Variants in DLGAP2 observed in about 807,000 individuals in gnomAD.
DLGAP2 encodes the protein DLG associated protein 2, also known as disks large-associated protein 2.
Under a neutral mutation model 100.3 loss-of-function variants are expected in DLGAP2, and 26 were observed. The ratio of observed to expected loss-of-function variants is 0.26; its 90% CI spans 0.19 to 0.36. The LOEUF (loss-of-function observed/expected upper bound fraction) is 0.36. Ranked by LOEUF, DLGAP2 falls within the 10% of genes least tolerant of loss-of-function variation. The probability of loss-of-function intolerance (pLI) is 1.00; values close to 1 mark genes in which losing one functional copy is unlikely to be tolerated. For synonymous variants in DLGAP2, 886 were observed against 630.1 expected (o/e 1.41, Z -6.08); for missense variants, 1,858 against 1,453.2 (o/e 1.28, Z -4.53).
intron 2 of DLGAP2, among the ~76,000 whole-genome samples, chr8:1,148,870 G>C (rs898970893): frequency 1.3e-5 from 2 of 152,072 alleles, no homozygotes; most frequent in Non-Finnish European, 2.9e-5. Flanking sequence ...CAAATGTTTT[G>C]TGTGTACTTA....
intron 2 of DLGAP2, among the ~76,000 whole-genome samples, chr8:1,128,579 C>G (rs1796223219): frequency 6.6e-6 from 1 of 152,188 alleles, no homozygotes; most frequent in Admixed American, 6.5e-5. Flanking sequence ...GTGCGGCAGG[C>G]TCAATCGCCG....
At chr8:1,335,610 C>T (rs1370342993) in intron 3 of DLGAP2, among the ~76,000 whole-genome samples, 12 of 151,988 alleles carry the variant, frequency 7.9e-5, no homozygotes, top group Non-Finnish European at 1.3e-4. Context: ...TTTCTGGAAG[C>T]AGGGAAGCTT....
chr8:1,074,718 C>T (rs531131758), intron 2 of DLGAP2, among the ~76,000 whole-genome samples: 4 of 152,298 alleles, frequency 2.6e-5, no homozygotes, highest in East Asian at 1.9e-4. Flanking sequence ...TCCCACTCCT[C>T]GTCTTTCCAG....
At chr8:1,450,775 G>T (rs986114381) in intron 3 of DLGAP2, among the ~76,000 whole-genome samples, 1 of 152,100 alleles carries the variant, frequency 6.6e-6, no homozygotes, top group Non-Finnish European at 1.5e-5. Flanking sequence ...TGCGCTCAAC[G>T]TTCCCAAGCC....
Position 1,412,081 on chromosome 8 carries a change from C to T in DLGAP2, c.107-89285C>T, listed in dbSNP as rs867073489. ...CTCCCCTGGAGTCACTGCCCTTTCT[C>T]CATTCCTGCCTCCAGGCCTCTCAAG... On this transcript the variant is annotated intron_variant, in intron 3 of 14. Coordinates refer to ENST00000637795, the MANE Select transcript of DLGAP2 (RefSeq NM_001346810.2). Among the ~76,000 whole-genome samples, 4 of 152,256 alleles carry T rather than the reference C, an allele frequency of 2.6e-5. No individual in the cohort carries two copies. In the South Asian group the frequency reaches 8.3e-4, roughly 31 times the overall value.
At chr8:1,546,767 T>G (rs1428432159) in intron 4 of DLGAP2, among the ~76,000 whole-genome samples, 1 of 151,992 alleles carries the variant, frequency 6.6e-6, no homozygotes, top group Non-Finnish European at 1.5e-5. Context: ...CAAGCAGGGG[T>G]GCATCTCAGG....
At chr8:1,569,962 A>C (rs752739469) in intron 6 of DLGAP2, among the ~76,000 whole-genome samples, 1 of 151,910 alleles carries the variant, frequency 6.6e-6, no homozygotes, top group Non-Finnish European at 1.5e-5. Context: ...TGCTCTGTGG[A>C]GGGCAGTGGC....
intron 2 of DLGAP2, among the ~76,000 whole-genome samples, chr8:1,006,988 G>A (rs1302429635): frequency 7.9e-5 from 12 of 151,774 alleles, no homozygotes; most frequent in Non-Finnish European, 1.5e-5. Context: ...CTCAGGATGT[G>A]GTCCTTTATC....
intron 1 of DLGAP2, among the ~76,000 whole-genome samples, chr8:758,206 A>G (rs1820970236): frequency 6.6e-6 from 1 of 152,148 alleles, no homozygotes; most frequent in South Asian, 2.1e-4. Flanking sequence ...GGGCCCCTGT[A>G]TTGTGAGCAA....
At chr8:833,342 G>C (rs1796815411) in intron 1 of DLGAP2, among the ~76,000 whole-genome samples, 1 of 152,192 alleles carries the variant, frequency 6.6e-6, no homozygotes, top group African/African-American at 2.4e-5. Flanking sequence ...TTAGAGTTCT[G>C]GAGGTCGGAA....
chr8:1,145,665 A>C (rs985721647), intron 2 of DLGAP2, among the ~76,000 whole-genome samples: 13 of 151,666 alleles, frequency 8.6e-5, no homozygotes, highest in African/African-American at 2.4e-4. Flanking sequence ...CACAATGTGC[A>C]GGTTAGTTAC....
intron 4 of DLGAP2, among the ~76,000 whole-genome samples, chr8:1,521,856 TG>T (rs1164287854): frequency 6.6e-6 from 1 of 150,714 alleles, no homozygotes; most frequent in Admixed American, 6.6e-5. Context: ...GCAGGTGATT[TG>T]GGGCGTCTCT....
intron 2 of DLGAP2, among the ~76,000 whole-genome samples, chr8:968,143 G>C (rs1009683540): frequency 1.3e-5 from 2 of 151,830 alleles, no homozygotes; most frequent in Non-Finnish European, 2.9e-5. Flanking sequence ...GGCAGAGTCT[G>C]ATTTGTGACT....
intron 2 of DLGAP2, 116 bp downstream of exon 2, chr8:908,082 T>C (rs1798416776): frequency 5.1e-6 from 2 of 394,550 alleles, no homozygotes; most frequent in South Asian, 2.8e-4. Context: ...TGGGTTGTTT[T>C]TAGTGCAAGA....
intron 2 of DLGAP2, among the ~76,000 whole-genome samples, chr8:1,038,418 C>G (rs1802196731): frequency 6.6e-6 from 1 of 152,140 alleles, no homozygotes; most frequent in African/African-American, 2.4e-5. Flanking sequence ...GTCCAGGAAA[C>G]AAGAAAAACA....
intron 2 of DLGAP2, among the ~76,000 whole-genome samples, chr8:1,233,175 T>A (rs1798572892): frequency 2.0e-5 from 3 of 152,202 alleles, no homozygotes; most frequent in Admixed American, 2.0e-4. Flanking sequence ...TATACCCCAT[T>A]GTATTTATCT....
intron 3 of DLGAP2, among the ~76,000 whole-genome samples, chr8:1,294,535 C>T (rs1283080888): frequency 1.3e-5 from 2 of 152,190 alleles, no homozygotes; most frequent in Non-Finnish European, 2.9e-5. Context: ...TTTGTGAGCT[C>T]TTTACAGCGA....
At chr8:986,820 T>G (rs1800501052) in intron 2 of DLGAP2, among the ~76,000 whole-genome samples, 1 of 152,060 alleles carries the variant, frequency 6.6e-6, no homozygotes, top group Admixed American at 6.5e-5. Flanking sequence ...CCACCATGCC[T>G]GGCTAATTTT....
At chr8:1,229,498 A>G (rs78905526) in intron 2 of DLGAP2, among the ~76,000 whole-genome samples, 4,425 of 152,146 alleles carry the variant, frequency 0.029, 214 homozygotes, top group African/African-American at 0.1. Context: ...TAGATTTTCT[A>G]GTTTGTGTGT....
Sources: allele counts gnomAD v4.1 joint callset (sites outside exome capture counted in the v4.1 genomes callset), GRCh38; gene constraint gnomAD v4.1.1; transcripts MANE v1.5; gene names NCBI Gene and HGNC (gene_info 2026-07-23, HGNC 2026-07-21).